Variants in DCC observed in about 807,000 individuals in gnomAD.
DCC encodes the protein netrin receptor DCC.
DCC carries 58 observed loss-of-function variants against 172.5 expected under a neutral mutation model. That is an observed-to-expected ratio of 0.34 (90% confidence interval 0.27 to 0.42). The LOEUF (loss-of-function observed/expected upper bound fraction) is 0.42, where lower values mean the gene tolerates loss of function less well. Ranked by LOEUF, DCC falls within the 10% of genes least tolerant of loss-of-function variation. The pLI is 1.00. For missense variants in DCC, 1,740 were observed against 1,791.0 expected, an observed-to-expected ratio of 0.97 and a Z score of 0.51; for synonymous variants, 709 against 644.5, an observed-to-expected ratio of 1.10 and a Z score of -1.52.
At chr18:52,717,518 T>C (rs144104152) in intron 1 of DCC, among the ~76,000 whole-genome samples, 196 of 150,860 alleles carry the variant, frequency 1.3e-3, no homozygotes, top group African/African-American at 4.6e-3. Flanking sequence ...ACAATGCTTC[T>C]CACTGTGGCA....
At chr18:53,499,615 A>T (rs906943943) in intron 27 of DCC, 105 bp downstream of exon 27, 1 of 944,706 alleles carries the variant, frequency 1.1e-6, no homozygotes, top group South Asian at 1.3e-5. Context: ...TATCTTTTCA[A>T]TGCTGATTAC....
intron 5 of DCC, among the ~76,000 whole-genome samples, chr18:52,999,697 C>G (rs990818154): frequency 1.3e-4 from 20 of 152,124 alleles, no homozygotes; most frequent in Admixed American, 1.2e-3. Flanking sequence ...CCAAACAATT[C>G]TATTTAGGAG....
At chr18:53,421,560 G>A (rs1910645597) in intron 21 of DCC, among the ~76,000 whole-genome samples, 2 of 152,184 alleles carry the variant, frequency 1.3e-5, no homozygotes, top group South Asian at 4.1e-4. Context: ...TTACTCTCCT[G>A]TGAATTGTGG....
intron 5 of DCC, among the ~76,000 whole-genome samples, chr18:52,962,077 G>A (rs1262234197): frequency 1.3e-5 from 2 of 151,328 alleles, no homozygotes; most frequent in African/African-American, 2.4e-5. Flanking sequence ...AACACCAAAA[G>A]CAATGGCAAC....
At chr18:52,896,507 C>T (rs1248378131) in intron 2 of DCC, among the ~76,000 whole-genome samples, 1 of 152,158 alleles carries the variant, frequency 6.6e-6, no homozygotes, top group Non-Finnish European at 1.5e-5. Flanking sequence ...CTTTCACATA[C>T]ATAAATGGCA....
intron 1 of DCC, among the ~76,000 whole-genome samples, chr18:52,728,878 A>G (rs996715206): frequency 6.6e-6 from 1 of 152,160 alleles, no homozygotes; most frequent in Admixed American, 6.5e-5. Context: ...AAAAGGGCAG[A>G]TTGGTCTCTA....
At chr18:52,494,020 T>A (rs1366619129) in intron 1 of DCC, among the ~76,000 whole-genome samples, 4 of 152,244 alleles carry the variant, frequency 2.6e-5, no homozygotes, top group East Asian at 1.9e-4. Context: ...TGCAGGTTTG[T>A]TAATGACAAA....
chr18:53,316,285 A>G (rs1478163255), intron 13 of DCC, among the ~76,000 whole-genome samples: 2 of 152,032 alleles, frequency 1.3e-5, no homozygotes, highest in African/African-American at 4.8e-5. Flanking sequence ...GTTATTTTTG[A>G]GGCCTCTGTT....
Position 52,579,536 on chromosome 18 carries a change from A to ATG in DCC, c.92-172505_92-172504dup, listed in dbSNP as rs372305195. Among the ~76,000 whole-genome samples the ATG allele has an allele frequency of 1.6e-4, 25 of 151,806 alleles. No individual in the cohort carries two copies. In the South Asian group the frequency reaches 3.5e-3, roughly 21 times the overall value. On this transcript the variant is annotated intron_variant, in intron 1 of 28. Coordinates refer to ENST00000442544, the MANE Select transcript of DCC (RefSeq NM_005215.4). ...TTGTGTAGTTTATAAGTGTGTGTGT[A>ATG]TGTGTGTGTGTGTGCTTCTGCATTT...
Position 53,450,553 on chromosome 18 carries a change from A to G in DCC, c.3283A>G (p.Asn1095Asp). The G allele has an allele frequency of 6.2e-7, 1 of 1,614,040 alleles. No individual in the cohort carries two copies. The highest frequency in any genetic ancestry group is 8.5e-7 in the Non-Finnish European group (1 of 1,180,000). Reference sequence around the variant, plus strand: ...GCATGGCAGTGTCACTCCTCAGAAGAACAGCAACCTGCTTGTGATCATTGT... The same window carrying G: ...GCATGGCAGTGTCACTCCTCAGAAGGACAGCAACCTGCTTGTGATCATTGT... ...PPHGSVTPQK[N>D]SNLLVIIVVT... The change falls in exon 23 of 29, where the codon AAC becomes GAC. Residue 1095 changes from asparagine (N) to aspartate (D), a missense_variant. Asn to Asp is a conservative substitution (Grantham distance 23, BLOSUM62 1). Around this residue, in one of 2 missense-constraint regions of DCC, gnomAD observed 1,732 missense variants for 1,767.4 expected, o/e 0.98. Coordinates refer to ENST00000442544, the MANE Select transcript of DCC (RefSeq NM_005215.4).
At chr18:52,914,817 A>C (rs533919311) in intron 3 of DCC, among the ~76,000 whole-genome samples, 1 of 152,212 alleles carries the variant, frequency 6.6e-6, no homozygotes, top group South Asian at 2.1e-4. Flanking sequence ...GAAATTGAGG[A>C]TGCAGACAGA....
At chr18:52,729,985 T>C (rs2036612190) in intron 1 of DCC, among the ~76,000 whole-genome samples, 1 of 152,240 alleles carries the variant, frequency 6.6e-6, no homozygotes, top group South Asian at 2.1e-4. Flanking sequence ...CATTGTTTTA[T>C]AAATGTCTTG....
intron 5 of DCC, among the ~76,000 whole-genome samples, chr18:53,021,897 T>C (rs1394926805): frequency 6.6e-6 from 1 of 152,230 alleles, no homozygotes; most frequent in Non-Finnish European, 1.5e-5. Context: ...TTGGACTTTA[T>C]TCAAAAGTTC....
intron 1 of DCC, among the ~76,000 whole-genome samples, chr18:52,465,244 C>T (rs1245124419): frequency 2.0e-5 from 3 of 152,142 alleles, no homozygotes; most frequent in Non-Finnish European, 4.4e-5. Context: ...TTAGAATTAA[C>T]CTGCCTCTGA....
At chr18:53,084,130 T>G (rs750362564) in intron 7 of DCC, among the ~76,000 whole-genome samples, 1 of 152,196 alleles carries the variant, frequency 6.6e-6, no homozygotes, top group South Asian at 2.1e-4. Flanking sequence ...CTGGCTCTGG[T>G]AAAGGCTTTC....
chr18:53,458,307 G>C (rs143609325), intron 23 of DCC, among the ~76,000 whole-genome samples: 372 of 152,304 alleles, frequency 2.4e-3, no homozygotes, highest in African/African-American at 8.7e-3. Context: ...TAGGATTTTT[G>C]AGCCATATAG....
intron 1 of DCC, among the ~76,000 whole-genome samples, chr18:52,379,345 A>T (rs549206201): frequency 5.3e-5 from 8 of 152,094 alleles, no homozygotes; most frequent in African/African-American, 1.9e-4. Flanking sequence ...AAAAGATCTG[A>T]TTTTAAATCC....
At chr18:53,257,416 G>T (rs184882164) in intron 12 of DCC, among the ~76,000 whole-genome samples, 2 of 152,286 alleles carry the variant, frequency 1.3e-5, no homozygotes, top group East Asian at 3.9e-4. Context: ...AGAATTTTTA[G>T]CATGAAAGTT....
chr18:53,099,943 C>CTTTTTT (rs533618559), intron 7 of DCC, among the ~76,000 whole-genome samples: 17 of 92,742 alleles, frequency 1.8e-4, no homozygotes, highest in Admixed American at 5.9e-4. Context: ...TTCTTTCTTT[C>CTTTTTT]TTTTTTTTTT....
Sources: gnomAD v4.1 joint callset for allele counts (sites outside exome capture counted in the v4.1 genomes callset) on GRCh38, gnomAD v4.1.1 for gene constraint, gnomAD v4.1.1 regional missense constraint, MANE v1.5 for transcripts, NCBI Gene and HGNC (gene_info 2026-07-23, HGNC 2026-07-21) for gene names.